Variants in PIP5K1B observed in about 807,000 individuals in gnomAD.
PIP5K1B encodes phosphatidylinositol-4-phosphate 5-kinase type 1 beta.
A neutral mutation model predicts 67.0 loss-of-function variants in PIP5K1B; 42 were observed. The ratio of observed to expected loss-of-function variants is 0.63; its 90% confidence interval spans 0.49 to 0.81. The LOEUF (loss-of-function observed/expected upper bound fraction) is 0.81, where lower values mean the gene tolerates loss of function less well. Among genes scored for constraint, PIP5K1B ranks in the 30% least tolerant of loss-of-function variants. The pLI is 0.00. For missense variants in PIP5K1B, 459 were observed against 646.3 expected, an observed-to-expected ratio of 0.71 and a Z score of 3.14; for synonymous variants, 214 against 231.4, an observed-to-expected ratio of 0.92 and a Z score of 0.68.
At chr9:68,874,479 GT>G (rs1468583181) in intron 5 of PIP5K1B, among the ~76,000 whole-genome samples, 7 of 152,076 alleles carry the variant, frequency 4.6e-5, no homozygotes, top group African/African-American at 1.7e-4. Context: ...TAACACTATC[GT>G]TTTATACCAT....
intron 8 of PIP5K1B, among the ~76,000 whole-genome samples, chr9:68,912,554 C>T (rs1587655893): frequency 6.6e-6 from 1 of 152,258 alleles, no homozygotes; most frequent in South Asian, 2.1e-4. Flanking sequence ...TAAGACTTGG[C>T]ACGGATTAAC....
At chr9:68,916,387 C>G (rs1222373065) in intron 8 of PIP5K1B, among the ~76,000 whole-genome samples, 2 of 152,176 alleles carry the variant, frequency 1.3e-5, no homozygotes, top group East Asian at 3.8e-4. Context: ...CAGACTCGGA[C>G]CCAGACCTTT....
intron 2 of PIP5K1B, among the ~76,000 whole-genome samples, chr9:68,773,667 TG>T (rs1343600559): frequency 1.3e-5 from 2 of 152,200 alleles, no homozygotes; most frequent in African/African-American, 2.4e-5. Flanking sequence ...CTCCGTGCAA[TG>T]GTGTGATGCC....
At chr9:68,861,180 AT>A (rs1301216076) in intron 4 of PIP5K1B, among the ~76,000 whole-genome samples, 1 of 152,256 alleles carries the variant, frequency 6.6e-6, no homozygotes, top group African/African-American at 2.4e-5. Context: ...GGAAAGTAAT[AT>A]TATTACCAGT....
chr9:68,918,968 C>A (rs369058580), intron 9 of PIP5K1B, among the ~76,000 whole-genome samples: 7 of 151,900 alleles, frequency 4.6e-5, no homozygotes, highest in African/African-American at 1.7e-4. Flanking sequence ...TAAATACATA[C>A]ACACACACAC....
intron 15 of PIP5K1B, among the ~76,000 whole-genome samples, chr9:68,992,139 A>AT (rs778472274): frequency 1.1e-4 from 16 of 151,754 alleles, no homozygotes; most frequent in Non-Finnish European, 2.4e-4. Context: ...CTAATTTTGT[A>AT]TTTTTAGTAG....
chr9:68,719,837 A>G (rs1827801283), intron 1 of PIP5K1B, among the ~76,000 whole-genome samples: 2 of 152,210 alleles, frequency 1.3e-5, no homozygotes, highest in Non-Finnish European at 2.9e-5. Flanking sequence ...GCATCATTTC[A>G]TTTTGTGTAA....
intron 4 of PIP5K1B, among the ~76,000 whole-genome samples, chr9:68,850,793 A>C (rs1822444864): frequency 6.6e-6 from 1 of 152,252 alleles, no homozygotes; most frequent in South Asian, 2.1e-4. Flanking sequence ...TATATCAAAT[A>C]AATAACAATT....
intron 8 of PIP5K1B, among the ~76,000 whole-genome samples, chr9:68,916,581 C>CA (rs753591480): frequency 2.6e-5 from 4 of 151,972 alleles, no homozygotes; most frequent in Non-Finnish European, 5.9e-5. Context: ...CTTCGAAAGA[C>CA]AGACTTTGAG....
chr9:68,935,252 A>G (rs1827194192), intron 13 of PIP5K1B, among the ~76,000 whole-genome samples: 1 of 152,190 alleles, frequency 6.6e-6, no homozygotes, highest in Admixed American at 6.5e-5. Context: ...GGATCACTTG[A>G]GGTCAGGAGT....
chr9:68,885,780 C>G (rs1419783076), intron 6 of PIP5K1B, among the ~76,000 whole-genome samples: 1 of 152,154 alleles, frequency 6.6e-6, no homozygotes, highest in Non-Finnish European at 1.5e-5. Context: ...CAGGCTCCAC[C>G]ACTATACAAT....
At chr9:68,920,803 T>TACACACACACACAC (rs59573461) in intron 11 of PIP5K1B, among the ~76,000 whole-genome samples, 80 of 141,460 alleles carry the variant, frequency 5.7e-4, no homozygotes, top group African/African-American at 2.0e-3. Flanking sequence ...TACACACACA[T>TACACACACACACAC]ACACACACAC....
In PIP5K1B at chr9:68,958,995, G is replaced by A. The variant is rs538230263; in HGVS notation, c.1502+18205G>A. Among the ~76,000 whole-genome samples, 14 of 152,192 alleles carry A rather than the reference G, an allele frequency of 9.2e-5. No homozygotes were observed. The South Asian group carries it at 2.3e-3, about 25-fold the overall frequency. ...GGTTCATAGTACTCCCAATATTGACGTGTAGGAAAGAAAGAATAAGAAAGA... is the reference window on the plus strand; with the variant it reads ...GGTTCATAGTACTCCCAATATTGACATGTAGGAAAGAAAGAATAAGAAAGA... On this transcript the variant is annotated intron_variant, in intron 14 of 15. Transcript: ENST00000265382.
chr9:68,784,178 A>G (rs1831473101), intron 2 of PIP5K1B: 1 of 167,120 alleles, frequency 6.0e-6, no homozygotes, highest in Non-Finnish European at 1.5e-5. Context: ...TATTGTTCAT[A>G]ACGTCCATCA....
At chr9:68,819,513 T>A (rs1833624244) in intron 3 of PIP5K1B, among the ~76,000 whole-genome samples, 1 of 152,208 alleles carries the variant, frequency 6.6e-6, no homozygotes, top group Non-Finnish European at 1.5e-5. Flanking sequence ...CCTAAAGCAA[T>A]CATCCCATCC....
intron 7 of PIP5K1B, among the ~76,000 whole-genome samples, chr9:68,892,689 TA>T (rs1399216495): frequency 6.6e-6 from 1 of 152,100 alleles, no homozygotes; most frequent in African/African-American, 2.4e-5. Flanking sequence ...CTTTGGGATA[TA>T]AAAAAGCTTT....
At chr9:68,907,780 C>A (rs574000074) in intron 8 of PIP5K1B, among the ~76,000 whole-genome samples, 1 of 152,194 alleles carries the variant, frequency 6.6e-6, no homozygotes, top group Non-Finnish European at 1.5e-5. Context: ...CTGTAGAAGG[C>A]TCTGTGCTAA....
chr9:68,733,797 G>A (rs1828582328), intron 1 of PIP5K1B, among the ~76,000 whole-genome samples: 1 of 151,932 alleles, frequency 6.6e-6, no homozygotes, highest in Admixed American at 6.6e-5. Context: ...AGGCTACCAT[G>A]CCCAGCTAAT....
At chr9:68,862,767 G>A (rs565467877) in intron 4 of PIP5K1B, among the ~76,000 whole-genome samples, 23 of 151,550 alleles carry the variant, frequency 1.5e-4, no homozygotes, top group Non-Finnish European at 2.9e-4. Flanking sequence ...ACTCCAGCCT[G>A]GGCGACAGAG....
Sources: allele counts gnomAD v4.1 joint callset (sites outside exome capture counted in the v4.1 genomes callset), GRCh38; gene constraint gnomAD v4.1.1; transcripts MANE v1.5; gene names NCBI Gene and HGNC (gene_info 2026-07-23, HGNC 2026-07-21).